Variants in CNTNAP2 observed in about 807,000 individuals in gnomAD.
CNTNAP2 encodes contactin associated protein 2.
A neutral mutation model predicts 155.2 loss-of-function variants in CNTNAP2; 98 were observed. The observed-to-expected ratio is 0.63, with a 90% CI of 0.54 to 0.75. The LOEUF (loss-of-function observed/expected upper bound fraction) is 0.75. Ranked by LOEUF, CNTNAP2 falls within the 30% of genes least tolerant of loss-of-function variation. CNTNAP2 has a pLI of 0.00. For synonymous variants in CNTNAP2, 651 were observed against 631.2 expected (o/e 1.03, Z -0.47); for missense variants, 1,727 against 1,688.1 (o/e 1.02, Z -0.40).
chr7:146,919,030 C>T (rs1796448082), intron 3 of CNTNAP2, among the ~76,000 whole-genome samples: 3 of 152,104 alleles, frequency 2.0e-5, no homozygotes, highest in Admixed American at 6.6e-5. Context: ...TTTCCAGAAG[C>T]TGTGATTATA....
rs1458534474 is a variant in CNTNAP2, at chr7:146,286,024, C to G, written c.97+169051C>G. ...TGTGTGTGTGTGTGTGTGTGTGTGTCTCTGCCTGTCTTTCTGTCTTTTTTT... is the reference window on the plus strand; with the variant it reads ...TGTGTGTGTGTGTGTGTGTGTGTGTGTCTGCCTGTCTTTCTGTCTTTTTTT... On this transcript the variant is annotated intron_variant, in intron 1 of 23. Transcript: ENST00000361727. Among the ~76,000 whole-genome samples the G allele has an allele frequency of 1.3e-3, 114 of 89,448 alleles. 1 individual carries two copies. The highest frequency in any genetic ancestry group is 1.7e-3 in the Admixed American group (13 of 7,454). The allele number at this position is 89,448 out of a possible 152,430, so 58.7% of individuals were successfully genotyped here.
At chr7:146,980,042 T>C (rs191827711) in intron 3 of CNTNAP2, among the ~76,000 whole-genome samples, 5 of 152,276 alleles carry the variant, frequency 3.3e-5, no homozygotes, top group African/African-American at 4.8e-5. Flanking sequence ...AGTTGGTTAG[T>C]GATGCTTTTT....
At chr7:146,782,030 T>C (rs1585088014) in intron 2 of CNTNAP2, among the ~76,000 whole-genome samples, 2 of 152,176 alleles carry the variant, frequency 1.3e-5, no homozygotes, top group East Asian at 1.9e-4. Context: ...TAACCTTAAT[T>C]AGGAAGCTTT....
chr7:147,779,950 T>C (rs543211059), intron 13 of CNTNAP2, among the ~76,000 whole-genome samples: 190 of 152,226 alleles, frequency 1.2e-3, no homozygotes, highest in African/African-American at 4.3e-3. Flanking sequence ...TAATGCAGAG[T>C]ATGAGACTAG....
intron 14 of CNTNAP2, among the ~76,000 whole-genome samples, chr7:147,930,824 T>A (rs542864273): frequency 6.6e-6 from 1 of 152,122 alleles, no homozygotes; most frequent in South Asian, 2.1e-4. Flanking sequence ...AAACCTAAGA[T>A]TAAAATCATA....
intron 1 of CNTNAP2, among the ~76,000 whole-genome samples, chr7:146,691,547 G>T (rs1448038268): frequency 2.0e-5 from 3 of 152,086 alleles, no homozygotes; most frequent in Non-Finnish European, 4.4e-5. Context: ...CTCAAAGTAT[G>T]ATTCTACTCA....
chr7:147,040,693 T>C lies in CNTNAP2; in HGVS notation c.403-3214T>C, dbSNP rs913967229. The stretch of plus-strand genomic sequence containing the variant: ...CCAGACTGGTCTTGAACTCCTGACC[T>C]CAAGCGATCAGCCCACCTTGGTCTC... On this transcript the variant is annotated intron_variant, in intron 3 of 23. Coordinates refer to ENST00000361727, the MANE Select transcript of CNTNAP2 (RefSeq NM_014141.6). Among the ~76,000 whole-genome samples, 9 of 152,010 alleles carry C rather than the reference T, an allele frequency of 5.9e-5. No individual in the cohort carries two copies. In the East Asian group the frequency reaches 1.5e-3, roughly 26 times the overall value.
At position 146,882,015 on chromosome 7, in the gene CNTNAP2, C is replaced by A. The variant is rs1795562095; in HGVS notation, c.402+42111C>A. 2.6e-5 allele frequency among the ~76,000 whole-genome samples: 4 copies of A among 151,934 alleles called. No homozygotes were observed. In the South Asian group the frequency reaches 8.3e-4, roughly 31 times the overall value. Reference sequence around the variant, plus strand: ...GTGTCTGTTGTTGCCATCTTTGTGTCCATTTGTACCCAATGTTTAGCTCCC... The same window carrying A: ...GTGTCTGTTGTTGCCATCTTTGTGTACATTTGTACCCAATGTTTAGCTCCC... On this transcript the variant is annotated intron_variant, in intron 3 of 23. Coordinates refer to ENST00000361727, the MANE Select transcript of CNTNAP2 (RefSeq NM_014141.6).
intron 1 of CNTNAP2, among the ~76,000 whole-genome samples, chr7:146,501,092 T>G (rs1797293983): frequency 1.3e-5 from 2 of 152,108 alleles, no homozygotes; most frequent in Admixed American, 1.3e-4. Context: ...GTATAAATTT[T>G]TGTATATATT....
chr7:147,773,507 A>AAACAT (rs1449267949), intron 13 of CNTNAP2, among the ~76,000 whole-genome samples: 1 of 152,116 alleles, frequency 6.6e-6, no homozygotes, highest in African/African-American at 2.4e-5. Context: ...AAACAAAACA[A>AAACAT]ACCTTGAAAT....
intron 1 of CNTNAP2, among the ~76,000 whole-genome samples, chr7:146,542,653 A>G (rs906369089): frequency 4.6e-5 from 7 of 151,842 alleles, no homozygotes; most frequent in African/African-American, 1.5e-4. Context: ...AATAAGTCTG[A>G]CTTTAACTGT....
chr7:146,491,706 G>A lies in CNTNAP2; in HGVS notation c.98-282565G>A, dbSNP rs564086165. On this transcript the variant is annotated intron_variant, in intron 1 of 23. Transcript: ENST00000361727. ...TGTTAGTGAATCTTCTATGGATTCAGAAGCTGAGATGAAACTAATGTCTCA... is the reference window on the plus strand; with the variant it reads ...TGTTAGTGAATCTTCTATGGATTCAAAAGCTGAGATGAAACTAATGTCTCA... Among the ~76,000 whole-genome samples the A allele has an allele frequency of 1.6e-4, 24 of 152,268 alleles. 3 individuals carry two copies. The East Asian group carries it at 4.5e-3, about 28-fold the overall frequency.
At chr7:146,855,462 C>T (rs1377163013) in intron 3 of CNTNAP2, among the ~76,000 whole-genome samples, 1 of 151,878 alleles carries the variant, frequency 6.6e-6, no homozygotes, top group Non-Finnish European at 1.5e-5. Context: ...GTTGAATAAA[C>T]TAGGCTACAT....
chr7:146,707,289 T>C (rs1383590135), intron 1 of CNTNAP2, among the ~76,000 whole-genome samples: 3 of 152,182 alleles, frequency 2.0e-5, no homozygotes, highest in Non-Finnish European at 4.4e-5. Flanking sequence ...CCACCTCTTA[T>C]GCCTGGCCCA....
Position 147,347,389 on chromosome 7 carries a change from T to C in CNTNAP2, c.1498+47099T>C, listed in dbSNP as rs141340902. Among the ~76,000 whole-genome samples, 524 of 129,034 alleles carry C rather than the reference T, an allele frequency of 4.1e-3. 3 individuals carry two copies. The highest frequency in any genetic ancestry group is 0.013 in the African/African-American group (488 of 38,306). 84.7% of individuals were successfully genotyped at this position (129,034 alleles called of 152,430 possible). ...ATGCTGATGGGCACCAGAGACTACC[T>C]TACCTCTGTATTTCCTCTTATGTGA... On this transcript the variant is annotated intron_variant, in intron 9 of 23. Transcript: ENST00000361727.
At chr7:147,242,987 A>ATTTTTTTTTTTTTTTTTTTTTTTTTTT (rs766917054) in intron 8 of CNTNAP2, among the ~76,000 whole-genome samples, 2 of 47,168 alleles carry the variant, frequency 4.2e-5, no homozygotes, top group Admixed American at 4.4e-4. Context: ...TATGCTTTGC[A>ATTTTTTTTTTTTTTTTTTTTTTTTTTT]TTTTTTTTTT....
chr7:146,415,385 G>T (rs1474683193), intron 1 of CNTNAP2, among the ~76,000 whole-genome samples: 1 of 151,986 alleles, frequency 6.6e-6, no homozygotes, highest in Non-Finnish European at 1.5e-5. Flanking sequence ...ACAATATTAG[G>T]AATTAATTTC....
chr7:147,442,006 ACT>A (rs1409005685), intron 10 of CNTNAP2, among the ~76,000 whole-genome samples: 1 of 151,446 alleles, frequency 6.6e-6, no homozygotes, highest in Admixed American at 6.6e-5. Flanking sequence ...TGTTGTAATC[ACT>A]CTCTGGCTAC....
At chr7:147,747,605 G>A (rs117722867) in intron 13 of CNTNAP2, among the ~76,000 whole-genome samples, 1,668 of 152,218 alleles carry the variant, frequency 0.011, 95 homozygotes, top group Admixed American at 0.087. Flanking sequence ...TCTTTTGCAT[G>A]TATACCCAGC....
Sources: gnomAD v4.1 joint callset for allele counts (sites outside exome capture counted in the v4.1 genomes callset) on GRCh38, gnomAD v4.1.1 for gene constraint, MANE v1.5 for transcripts, NCBI Gene and HGNC (gene_info 2026-07-23, HGNC 2026-07-21) for gene names.